NINL: variants seen among roughly 807,000 people sequenced by gnomAD.
NINL encodes ninein-like protein.
A neutral mutation model predicts 160.3 loss-of-function variants in NINL; 153 were observed. The observed-to-expected ratio is 0.95, with a 90% CI of 0.84 to 1.09. The LOEUF is 1.09. Among genes scored for constraint, NINL ranks in the 50% least tolerant of loss-of-function variants. The probability of loss-of-function intolerance (pLI) is 0.00; values close to 1 mark genes in which losing one functional copy is unlikely to be tolerated. For missense variants in NINL, 1,829 were observed against 1,764.0 expected, an observed-to-expected ratio of 1.04 and a Z score of -0.66; for synonymous variants, 800 against 734.8, an observed-to-expected ratio of 1.09 and a Z score of -1.43.
chr20:25,562,207 C>T, intron 1 of NINL, among the ~76,000 whole-genome samples: 1 of 138,660 alleles, frequency 7.2e-6, no homozygotes, highest in Non-Finnish European at 1.6e-5. Flanking sequence ...GCCGCCCCGT[C>T]CGGGAGGTGA....
chr20:25,487,957 G>A lies in NINL; in HGVS notation c.1677+1287C>T, dbSNP rs991503229. Among the ~76,000 whole-genome samples the A allele has an allele frequency of 2.6e-5, 4 of 152,198 alleles. No homozygotes were observed. The East Asian group carries it at 5.8e-4, about 22-fold the overall frequency. ...ACACCCGAGCTTTAAAACATTCCAC[G>A]GTCTCTGCGTGCTCAGGTGAGCAGG... On this transcript the variant is annotated intron_variant, in intron 13 of 23. Transcript: ENST00000278886.
intron 11 of NINL, among the ~76,000 whole-genome samples, chr20:25,490,746 G>T (rs1020333142): frequency 6.6e-6 from 1 of 152,106 alleles, no homozygotes; most frequent in African/African-American, 2.4e-5. Flanking sequence ...CAGTGAGAAG[G>T]GTGGAGAGCA....
chr20:25,453,689 C>T (rs1352015562), intron 23 of NINL, 47 bp from the exon 24 acceptor site: 2 of 1,506,302 alleles, frequency 1.3e-6, no homozygotes, highest in East Asian at 2.3e-5. Flanking sequence ...GGTGGAGAAA[C>T]GCTACAGATC....
At chr20:25,516,140 T>TGAA (rs1286591815) in intron 3 of NINL, among the ~76,000 whole-genome samples, 1 of 152,152 alleles carries the variant, frequency 6.6e-6, no homozygotes, top group East Asian at 1.9e-4. Context: ...CTCTGCCATG[T>TGAA]GAAGACGTGC....
rs755694653 is a variant in NINL at position 25,481,931 on chromosome 20, GCCT to G, written c.1810+34_1810+36del. On this transcript the variant is annotated intron_variant, in intron 14 of 23. Transcript: ENST00000278886. ...CTCTGGGCCTTGTTGTCAACAGCAG[GCCT>G]TGGGTCAGCCCCCTCCCAGGGACGG... 1.3e-4 allele frequency: 207 copies of G among 1,586,438 alleles called. No homozygotes were observed. In the African/African-American group the frequency reaches 2.4e-3, roughly 18 times the overall value.
chr20:25,478,336 A>AATG (rs1210824039), intron 16 of NINL, among the ~76,000 whole-genome samples: 1 of 152,164 alleles, frequency 6.6e-6, no homozygotes, highest in African/African-American at 2.4e-5. Context: ...AATGCTCTCC[A>AATG]CAGGACAGTG....
chr20:25,527,064 G>T (rs1389203559), intron 1 of NINL, among the ~76,000 whole-genome samples: 1 of 151,896 alleles, frequency 6.6e-6, no homozygotes, highest in Admixed American at 6.6e-5. Context: ...TTAGAAAATA[G>T]AGATATGTAG....
Position 25,496,429 on chromosome 20 carries a change from C to T in NINL, c.1310+234G>A, listed in dbSNP as rs543994040. On this transcript the variant is annotated intron_variant, in intron 10 of 23. Transcript: ENST00000278886. ...GCGAGGGCAGGAGGCAGGACCTCCTCGGCCCATGGGGACGTAGCCAGGGCC... is the reference window on the plus strand; with the variant it reads ...GCGAGGGCAGGAGGCAGGACCTCCTTGGCCCATGGGGACGTAGCCAGGGCC... 2.0e-4 allele frequency among the ~76,000 whole-genome samples: 31 copies of T among 152,354 alleles called. 1 individual carries two copies. In the South Asian group the frequency reaches 6.2e-3, roughly 31 times the overall value.
intron 2 of NINL, among the ~76,000 whole-genome samples, chr20:25,521,473 T>C (rs2064262177): frequency 1.3e-5 from 2 of 152,234 alleles, no homozygotes; most frequent in Non-Finnish European, 2.9e-5. Context: ...TCTGTCTTGT[T>C]TGTTTGCCCA....
At chr20:25,470,203 C>A in intron 17 of NINL, 108 bp from the exon 18 acceptor site, 1 of 814,072 alleles carries the variant, frequency 1.2e-6, no homozygotes, top group Non-Finnish European at 2.1e-6. Flanking sequence ...CCCATCTCCC[C>A]GTCCCTGGAG....
At chr20:25,579,160 C>A (rs1205674953) in intron 1 of NINL, among the ~76,000 whole-genome samples, 1 of 152,038 alleles carries the variant, frequency 6.6e-6, no homozygotes, top group African/African-American at 2.4e-5. Context: ...ATGTTGGAAA[C>A]CCCACTGTGT....
chr20:25,483,620 C>T (rs578160612), intron 13 of NINL, among the ~76,000 whole-genome samples: 6 of 152,390 alleles, frequency 3.9e-5, no homozygotes, highest in Non-Finnish European at 7.3e-5. Flanking sequence ...GTGGAGGCCG[C>T]GTGGGCGGCG....
chr20:25,458,281 A>G, intron 22 of NINL, 102 bp downstream of exon 22: 1 of 1,422,230 alleles, frequency 7.0e-7, no homozygotes, highest in South Asian at 1.2e-5. Flanking sequence ...TACGTGACTC[A>G]TGTATTCACA....
chr20:25,566,419 G>GA (rs757239754), intron 1 of NINL, among the ~76,000 whole-genome samples: 46 of 141,814 alleles, frequency 3.2e-4, no homozygotes, highest in Non-Finnish European at 4.5e-4. Flanking sequence ...TTAAAGTCAA[G>GA]AAAAAAAAAA....
intron 4 of NINL, 38 bp from the exon 5 acceptor site, chr20:25,510,778 G>A (rs899078774): frequency 7.8e-6 from 12 of 1,535,114 alleles, no homozygotes; most frequent in Non-Finnish European, 1.1e-5. Context: ...TGAGTTCCAG[G>A]GGGTGCTGCT....
chr20:25,470,059 C>T lies in NINL; in HGVS notation c.3285G>A (p.Leu1095=). The change falls in exon 18 of 24, where the codon TTG becomes TTA. Residue 1095 remains leucine (L), a synonymous_variant. Coordinates refer to ENST00000278886, the MANE Select transcript of NINL (RefSeq NM_025176.6). ...EFHRLSEENT[L]LKNDLGRVRQ... is the part of the protein sequence containing the mutation. ...GAACCCTTCCCAGATCGTTTTTCAA[C>T]AAAGTGTTTTCTTCAGAAAGTCTAT... The T allele has an allele frequency of 6.2e-7, 1 of 1,614,148 alleles. No individual in the cohort carries two copies. The highest frequency in any genetic ancestry group is 8.5e-7 in the Non-Finnish European group (1 of 1,180,010).
At chr20:25,576,632 A>AG (rs78717179) in intron 1 of NINL, among the ~76,000 whole-genome samples, 13,393 of 150,160 alleles carry the variant, frequency 0.089, 967 homozygotes, top group African/African-American at 0.2. Context: ...CTAATTTTTC[A>AG]TTTTTTTTTG....
intron 3 of NINL, among the ~76,000 whole-genome samples, chr20:25,515,676 A>T (rs2064147533): frequency 6.6e-6 from 1 of 152,170 alleles, no homozygotes; most frequent in African/African-American, 2.4e-5. Context: ...GTAGGAGGTG[A>T]TTGAATCATG....
intron 1 of NINL, among the ~76,000 whole-genome samples, chr20:25,537,864 A>G (rs991729947): frequency 6.6e-6 from 1 of 152,132 alleles, no homozygotes; most frequent in Non-Finnish European, 1.5e-5. Context: ...CAAGAGTCGA[A>G]ATGCACGTCA....
Sources: allele counts gnomAD v4.1 joint callset (sites outside exome capture counted in the v4.1 genomes callset), GRCh38; gene constraint gnomAD v4.1.1; transcripts MANE v1.5; gene names NCBI Gene and HGNC (gene_info 2026-07-23, HGNC 2026-07-21).